The following ATXN7 variants were observed in gnomAD, a reference collection of about 807,000 sequenced individuals.
ATXN7 encodes the protein ataxin 7, also known as ataxin-7.
In ATXN7, 12 loss-of-function variants were observed where a neutral mutation model predicts 70.5. The observed-to-expected ratio is 0.17, with a 90% CI of 0.11 to 0.28. ATXN7 has a LOEUF of 0.28. ATXN7 is among the 10% of genes least tolerant of loss of function. The pLI, the probability that ATXN7 is intolerant of heterozygous loss-of-function variation, is 1.00. For missense variants in ATXN7, 1,256 were observed against 1,131.7 expected, an observed-to-expected ratio of 1.11 and a Z score of -1.58; for synonymous variants, 498 against 448.7, an observed-to-expected ratio of 1.11 and a Z score of -1.39.
chr3:63,872,698 G>A (rs1188812969), intron 1 of ATXN7, among the ~76,000 whole-genome samples: 2 of 152,198 alleles, frequency 1.3e-5, no homozygotes, highest in Non-Finnish European at 2.9e-5. Flanking sequence ...ACAGGGAATT[G>A]TTGCAGCCAT....
intron 1 of ATXN7, among the ~76,000 whole-genome samples, chr3:63,876,222 A>T (rs989963553): frequency 2.6e-5 from 4 of 152,172 alleles, no homozygotes; most frequent in South Asian, 2.1e-4. Context: ...TCATTTCCTT[A>T]TACTTTTTTC....
intron 5 of ATXN7, among the ~76,000 whole-genome samples, chr3:63,962,809 G>T (rs2075152674): frequency 6.6e-6 from 1 of 151,880 alleles, no homozygotes. Flanking sequence ...ACTGTGGTCT[G>T]TTGTGCTACT....
chr3:63,884,032 A>G (rs76587680), intron 1 of ATXN7, among the ~76,000 whole-genome samples: 338 of 152,278 alleles, frequency 2.2e-3, no homozygotes, highest in African/African-American at 7.5e-3. Flanking sequence ...TTCATTTACT[A>G]TAGAAGTAGT....
intron 5 of ATXN7, among the ~76,000 whole-genome samples, chr3:63,953,596 C>T (rs912128245): frequency 6.6e-6 from 1 of 151,674 alleles, no homozygotes; most frequent in Non-Finnish European, 1.5e-5. Flanking sequence ...AGAGATGACA[C>T]CGGACTGAGA....
chr3:63,932,176 C>T (rs1361202539), intron 4 of ATXN7, among the ~76,000 whole-genome samples: 1 of 152,046 alleles, frequency 6.6e-6, no homozygotes, highest in Non-Finnish European at 1.5e-5. Flanking sequence ...GTGCAGGTTC[C>T]CATATTCAAG....
intron 5 of ATXN7, among the ~76,000 whole-genome samples, chr3:63,967,468 GTTTAAC>G (rs1325318613): frequency 1.3e-5 from 2 of 152,084 alleles, no homozygotes; most frequent in African/African-American, 2.4e-5. Context: ...TTATAGAAAT[GTTTAAC>G]TTTAAGACCT....
intron 1 of ATXN7, among the ~76,000 whole-genome samples, chr3:63,867,521 A>C (rs1295486224): frequency 6.6e-6 from 1 of 152,142 alleles, no homozygotes; most frequent in East Asian, 1.9e-4. Flanking sequence ...AAGAGAAAAA[A>C]ACATTTTTGA....
chr3:63,962,908 C>CTATTTTTTTT (rs1553691654), intron 5 of ATXN7, among the ~76,000 whole-genome samples: 1 of 136,344 alleles, frequency 7.3e-6, no homozygotes, highest in African/African-American at 2.7e-5. Flanking sequence ...TTTTGTATTT[C>CTATTTTTTTT]TTTTTTTTTT....
intron 1 of ATXN7, among the ~76,000 whole-genome samples, chr3:63,881,113 T>C (rs1170275860): frequency 6.6e-6 from 1 of 152,218 alleles, no homozygotes; most frequent in African/African-American, 2.4e-5. Context: ...TTTACTTGCA[T>C]TATCTTTTCA....
At chr3:63,879,166 T>C (rs1260893217) in intron 1 of ATXN7, among the ~76,000 whole-genome samples, 1 of 152,198 alleles carries the variant, frequency 6.6e-6, no homozygotes, top group African/African-American at 2.4e-5. Flanking sequence ...GAACTATTGA[T>C]TATGACTCAG....
At chr3:63,955,006 G>T (rs1394110608) in intron 5 of ATXN7, among the ~76,000 whole-genome samples, 1 of 152,152 alleles carries the variant, frequency 6.6e-6, no homozygotes, top group Non-Finnish European at 1.5e-5. Context: ...ACCAAGCCCG[G>T]CCAGGAAAAT....
intron 1 of ATXN7, among the ~76,000 whole-genome samples, chr3:63,887,952 A>T (rs1287095844): frequency 6.8e-6 from 1 of 146,118 alleles, no homozygotes; most frequent in African/African-American, 2.5e-5. Flanking sequence ...ACGTGTTTTT[A>T]TTTTTTACAT....
At chr3:63,959,889 G>A (rs946698393) in intron 5 of ATXN7, among the ~76,000 whole-genome samples, 1 of 152,016 alleles carries the variant, frequency 6.6e-6, no homozygotes, top group Non-Finnish European at 1.5e-5. Context: ...ATTTACTGGT[G>A]CCTAATATAT....
intron 9 of ATXN7, chr3:63,988,555 T>A: frequency 1.9e-6 from 1 of 537,554 alleles, no homozygotes; most frequent in Non-Finnish European, 3.2e-6. Flanking sequence ...TAGAGTTATC[T>A]GCTCTATACT....
chr3:63,890,814 C>T (rs2107244636), intron 1 of ATXN7, among the ~76,000 whole-genome samples: 1 of 152,142 alleles, frequency 6.6e-6, no homozygotes, highest in South Asian at 2.1e-4. Context: ...GGCAAGGAGG[C>T]TCAGAGTGTG....
chr3:64,001,336 A>AT lies in ATXN7; in HGVS notation c.*1870dup, dbSNP rs1403870622. On this transcript the variant is annotated 3_prime_UTR_variant, in exon 13 of 13. Coordinates refer to ENST00000674280, the MANE Select transcript of ATXN7 (RefSeq NM_001377405.1). Reference sequence around the variant, plus strand: ...AGAGCTTAGTAAGGAGAGGGCATGGATGGGCCAGTTTGGCATAGTTGGGAG... The same window carrying AT: ...AGAGCTTAGTAAGGAGAGGGCATGGATTGGGCCAGTTTGGCATAGTTGGGAG... 1 of 152,180 alleles carries AT rather than the reference A, an allele frequency of 6.6e-6. No individual in the cohort carries two copies. 9.4% of individuals were successfully genotyped at this position (152,180 alleles called of 1,614,324 possible). A position where few individuals can be genotyped will look rare whatever the true frequency, so the allele number is the denominator to read the frequency against.
intron 1 of ATXN7, among the ~76,000 whole-genome samples, chr3:63,881,022 C>T (rs908939210): frequency 6.6e-6 from 1 of 152,098 alleles, no homozygotes; most frequent in African/African-American, 2.4e-5. Flanking sequence ...TTCTTGGAGT[C>T]GCAATTTGTT....
At chr3:63,951,134 A>C (rs1203167988) in intron 4 of ATXN7, among the ~76,000 whole-genome samples, 1 of 152,178 alleles carries the variant, frequency 6.6e-6, no homozygotes, top group African/African-American at 2.4e-5. Context: ...TCGGTGCTGC[A>C]AGTACATCCC....
chr3:63,927,325 T>C (rs1049948032), intron 4 of ATXN7, among the ~76,000 whole-genome samples: 1 of 152,186 alleles, frequency 6.6e-6, no homozygotes, highest in African/African-American at 2.4e-5. Context: ...TCACTCTTGC[T>C]GAAAGGTGCT....
Sources: allele counts gnomAD v4.1 joint callset (sites outside exome capture counted in the v4.1 genomes callset), GRCh38; gene constraint gnomAD v4.1.1; transcripts MANE v1.5; gene names NCBI Gene and HGNC (gene_info 2026-07-23, HGNC 2026-07-21).